INTS7: variants seen among roughly 807,000 people sequenced by gnomAD.
INTS7 encodes integrator complex subunit 7, also known as chromosome 1 open reading frame 73.
Under a neutral mutation model 109.2 loss-of-function variants are expected in INTS7, and 46 were observed. That is an observed-to-expected ratio of 0.42 (90% CI 0.33 to 0.54). INTS7 has a LOEUF of 0.54. INTS7 is among the 20% of genes least tolerant of loss of function. INTS7 has a pLI of 0.07. For synonymous variants in INTS7, 412 were observed against 402.9 expected (o/e 1.02, Z -0.27); for missense variants, 929 against 1,132.4 (o/e 0.82, Z 2.58).
intron 16 of INTS7, among the ~76,000 whole-genome samples, chr1:211,954,448 GT>G (rs1292718505): frequency 6.6e-6 from 1 of 152,170 alleles, no homozygotes; most frequent in African/African-American, 2.4e-5. Flanking sequence ...TGCTTTTGGT[GT>G]TTTAGACATG....
intron 13 of INTS7, among the ~76,000 whole-genome samples, chr1:211,970,177 A>G (rs1287323305): frequency 1.3e-5 from 2 of 152,170 alleles, no homozygotes; most frequent in African/African-American, 2.4e-5. Context: ...TAACACACAA[A>G]TAAGTTTCAA....
rs372534630 is a variant in INTS7 at position 212,008,127 on chromosome 1, T to C, written c.557-678A>G. On this transcript the variant is annotated intron_variant, in intron 5 of 19. Coordinates refer to ENST00000366994, the MANE Select transcript of INTS7 (RefSeq NM_015434.4). Reference sequence around the variant, plus strand: ...CTGCGTATTGCTGGCTTTTCCATGGTGAAATAATTGTGGGTATGAACGTAA... The same window carrying C: ...CTGCGTATTGCTGGCTTTTCCATGGCGAAATAATTGTGGGTATGAACGTAA... Among the ~76,000 whole-genome samples the C allele has an allele frequency of 3.6e-4, 55 of 152,270 alleles. 2 individuals are homozygous for C. In the South Asian group the frequency reaches 0.011, roughly 30 times the overall value.
chr1:211,960,907 C>A (rs1479227387), intron 16 of INTS7, among the ~76,000 whole-genome samples: 2 of 151,730 alleles, frequency 1.3e-5, no homozygotes, highest in Non-Finnish European at 2.9e-5. Context: ...TCCAGCTACT[C>A]AGAAGGCTGA....
chr1:212,020,703 C>T, intron 2 of INTS7: 1 of 1,005,098 alleles, frequency 9.9e-7, no homozygotes, highest in Non-Finnish European at 1.2e-6. Flanking sequence ...AGCAAATAGG[C>T]ATGTATTCAG....
intron 5 of INTS7, among the ~76,000 whole-genome samples, chr1:212,010,434 G>C (rs1666118044): frequency 1.3e-5 from 2 of 152,140 alleles, no homozygotes; most frequent in Non-Finnish European, 2.9e-5. Context: ...AAGGAATCTG[G>C]ATTTGATTCT....
intron 7 of INTS7, among the ~76,000 whole-genome samples, chr1:211,988,978 CAT>C (rs1011814753): frequency 1.3e-5 from 2 of 152,140 alleles, no homozygotes; most frequent in East Asian, 1.9e-4. Context: ...TCCTTTATCA[CAT>C]GATTCTGTAT....
Position 211,975,365 on chromosome 1 carries a change from T to G in INTS7, c.1616A>C (p.His539Pro). 6.2e-6 allele frequency: 10 copies of G among 1,613,074 alleles called. No homozygotes were observed. Among genetic ancestry groups the G allele is most frequent in the Non-Finnish European group, 8.5e-6 (10 of 1,179,360 alleles). The change falls in exon 13 of 20, where the codon CAT becomes CCT. Residue 539 changes from histidine (H) to proline (P), a missense_variant. By Grantham distance (77) the His-to-Pro change is moderately conservative. This residue lies in a region of INTS7 where 787 missense variants were observed against 901.1 expected (regional missense o/e 0.87). Coordinates refer to ENST00000366994, the MANE Select transcript of INTS7 (RefSeq NM_015434.4). Reference sequence around the variant, plus strand: ...CTGATAAAGCTCTTTGGCCATGTCATGATTACCCTAAAAACAAAAAAAGAA... The same window carrying G: ...CTGATAAAGCTCTTTGGCCATGTCAGGATTACCCTAAAAACAAAAAAAGAA... The part of the protein sequence containing the change: ...IARQASRMGN[H>P]DMAKELYQSL...
chr1:212,020,325 C>G (rs1282123302), intron 2 of INTS7, 57 bp from the exon 3 acceptor site: 1 of 979,412 alleles, frequency 1.0e-6, no homozygotes, highest in African/African-American at 1.7e-5. Context: ...AATTAGGAAC[C>G]AAAGCAACAC....
At chr1:212,003,880 T>C (rs1665788336) in intron 7 of INTS7, among the ~76,000 whole-genome samples, 1 of 151,956 alleles carries the variant, frequency 6.6e-6, no homozygotes. Flanking sequence ...AAATAATCAA[T>C]ACAGGAAGAA....
In INTS7 at chr1:211,967,869, T is replaced by C. The variant is rs80237288; in HGVS notation, c.2114+9A>G. On this transcript the variant is annotated intron_variant, in intron 15 of 19. Transcript: ENST00000366994. ...AAGAACAAGAAGTACTAGGGCAAGC[T>C]TGGGATACAGTTCAACATTCCTCAA... 6.7e-7 allele frequency: 1 copy of C among 1,503,134 alleles called. No homozygotes were observed. The highest frequency in any genetic ancestry group is 1.2e-5 in the South Asian group (1 of 86,884). 93.1% of individuals were successfully genotyped at this position (1,503,134 alleles called of 1,614,324 possible).
intron 7 of INTS7, among the ~76,000 whole-genome samples, chr1:211,989,238 T>A (rs531460492): frequency 1.3e-4 from 20 of 152,160 alleles, no homozygotes; most frequent in African/African-American, 4.8e-4. Context: ...TCAGAAAACA[T>A]CCAGAAAAAC....
In INTS7 at chr1:211,996,222, G is replaced by C. The variant is rs897863358; in HGVS notation, c.880-8219C>G. Among the ~76,000 whole-genome samples the C allele has an allele frequency of 3.9e-5, 6 of 152,216 alleles. No homozygotes were observed. In the East Asian group the frequency reaches 1.2e-3, roughly 29 times the overall value. On this transcript the variant is annotated intron_variant, in intron 7 of 19. Coordinates refer to ENST00000366994, the MANE Select transcript of INTS7 (RefSeq NM_015434.4). ...GGATCACTTGAGATTGGGAGTTCAA[G>C]ACCAGCCTGGTGAACCCGGCGAAAC...
intron 8 of INTS7, among the ~76,000 whole-genome samples, chr1:211,987,134 T>A (rs1664926607): frequency 6.6e-6 from 1 of 151,996 alleles, no homozygotes; most frequent in African/African-American, 2.4e-5. Context: ...CCATCTCTAC[T>A]AAAAATACAA....
intron 8 of INTS7, among the ~76,000 whole-genome samples, chr1:211,986,904 G>A (rs906718365): frequency 5.9e-5 from 9 of 152,126 alleles, no homozygotes; most frequent in Non-Finnish European, 1.2e-4. Flanking sequence ...TATACTATGC[G>A]GCCATAAAAG....
intron 4 of INTS7, among the ~76,000 whole-genome samples, chr1:212,014,228 G>C (rs901451654): frequency 2.0e-5 from 3 of 152,134 alleles, no homozygotes; most frequent in Non-Finnish European, 2.9e-5. Context: ...ACTTTGGGAG[G>C]CCAAGGCAGG....
At chr1:211,973,244 C>A (rs1664258677) in intron 13 of INTS7, among the ~76,000 whole-genome samples, 1 of 152,180 alleles carries the variant, frequency 6.6e-6, no homozygotes, top group Non-Finnish European at 1.5e-5. Flanking sequence ...CCACGCCTGG[C>A]CTATGCCTGG....
chr1:212,022,086 A>G (rs976913617), intron 1 of INTS7, among the ~76,000 whole-genome samples: 2 of 152,206 alleles, frequency 1.3e-5, no homozygotes, highest in Non-Finnish European at 2.9e-5. Context: ...TTGAAACGTG[A>G]TTCTGGAAAA....
At chr1:211,984,666 G>T (rs1242651643) in intron 8 of INTS7, among the ~76,000 whole-genome samples, 2 of 152,122 alleles carry the variant, frequency 1.3e-5, no homozygotes, top group African/African-American at 4.8e-5. Context: ...ACAACAAAGA[G>T]TAGAAAATGG....
At chr1:212,018,468 C>A (rs1666538452) in intron 3 of INTS7, among the ~76,000 whole-genome samples, 1 of 150,392 alleles carries the variant, frequency 6.6e-6, no homozygotes, top group African/African-American at 2.4e-5. Context: ...TTCATTCCAC[C>A]AGTTAAATTC....
Sources: gnomAD v4.1 joint callset for allele counts (sites outside exome capture counted in the v4.1 genomes callset) on GRCh38, gnomAD v4.1.1 for gene constraint, gnomAD v4.1.1 regional missense constraint, MANE v1.5 for transcripts, NCBI Gene and HGNC (gene_info 2026-07-23, HGNC 2026-07-21) for gene names.